Variants in CLNK observed in about 807,000 individuals in gnomAD.
CLNK encodes cytokine dependent hematopoietic cell linker, also known as cytokine-dependent hematopoietic cell linker.
Under a neutral mutation model 68.6 loss-of-function variants are expected in CLNK, and 74 were observed. The observed-to-expected ratio is 1.08, with a 90% CI of 0.89 to 1.31. The LOEUF (loss-of-function observed/expected upper bound fraction) is 1.31, where lower values mean the gene tolerates loss of function less well. Ranked by LOEUF, CLNK falls within the 50% of genes most tolerant of loss-of-function variation. The pLI, the probability that CLNK is intolerant of heterozygous loss-of-function variation, is 0.00. For missense variants in CLNK, 553 were observed against 515.3 expected, an observed-to-expected ratio of 1.07 and a Z score of -0.71; for synonymous variants, 198 against 172.2, an observed-to-expected ratio of 1.15 and a Z score of -1.17.
At chr4:10,590,598 C>A (rs1402347914) in intron 3 of CLNK, among the ~76,000 whole-genome samples, 1 of 152,170 alleles carries the variant, frequency 6.6e-6, no homozygotes, top group Admixed American at 6.5e-5. Context: ...TCTCTCAAAC[C>A]TCTGAAATTA....
intron 3 of CLNK, among the ~76,000 whole-genome samples, chr4:10,586,416 G>A (rs918440029): frequency 6.9e-6 from 1 of 144,468 alleles, no homozygotes; most frequent in Non-Finnish European, 1.5e-5. Context: ...CCAGGTTCAA[G>A]CAATTCTCCT....
chr4:10,705,047 C>T, the CLNK span, among the ~76,000 whole-genome samples: 2,279 of 152,150 alleles, frequency 0.015, 31 homozygotes, highest in East Asian at 0.055. Flanking sequence ...CAAAAAAGGT[C>T]ATAAGGGTAG....
At chr4:10,680,830 T>C (rs984269950) in intron 1 of CLNK, among the ~76,000 whole-genome samples, 8 of 152,178 alleles carry the variant, frequency 5.3e-5, no homozygotes, top group Non-Finnish European at 8.8e-5. Flanking sequence ...ACACTATCCA[T>C]GTCTCAACGA....
chr4:10,623,719 C>G (rs951937364), intron 2 of CLNK, among the ~76,000 whole-genome samples: 1 of 152,238 alleles, frequency 6.6e-6, no homozygotes, highest in Non-Finnish European at 1.5e-5. Context: ...GTGCCCTGAA[C>G]TGTAGGGACT....
At chr4:10,704,402 A>AT in the CLNK span, among the ~76,000 whole-genome samples, 1 of 152,152 alleles carries the variant, frequency 6.6e-6, no homozygotes, top group Admixed American at 6.5e-5. Flanking sequence ...CATTCTTGAT[A>AT]TTTTTTATAG....
chr4:10,688,996 A>G (rs1725364296), upstream of CLNK, among the ~76,000 whole-genome samples: 1 of 151,958 alleles, frequency 6.6e-6, no homozygotes, highest in South Asian at 2.1e-4. Flanking sequence ...GTGCAGAAAC[A>G]GATTTGATTC....
chr4:10,655,101 GAAAAAAAAAAAA>G (rs748148319), intron 2 of CLNK, among the ~76,000 whole-genome samples: 2 of 72,824 alleles, frequency 2.7e-5, no homozygotes, highest in African/African-American at 1.1e-4. Context: ...ACACCGACTC[GAAAAAAAAAAAA>G]AAAAAAAAGG....
chr4:10,695,888 C>T, the CLNK span, among the ~76,000 whole-genome samples: 1 of 149,600 alleles, frequency 6.7e-6, no homozygotes, highest in Middle Eastern at 3.2e-3. Flanking sequence ...CAGGGTCTTG[C>T]TCTGTTGCCC....
intron 3 of CLNK, among the ~76,000 whole-genome samples, chr4:10,590,913 T>G (rs1721157465): frequency 6.6e-6 from 1 of 152,138 alleles, no homozygotes; most frequent in Non-Finnish European, 1.5e-5. Context: ...AAAATATCAC[T>G]AGTGCCAAAA....
chr4:10,624,701 G>A (rs1206148787), intron 2 of CLNK, among the ~76,000 whole-genome samples: 15 of 148,168 alleles, frequency 1.0e-4, no homozygotes, highest in African/African-American at 3.7e-4. Flanking sequence ...ATGCCAAGAA[G>A]CATCATGAAA....
At chr4:10,594,976 C>T (rs1161101061) in intron 3 of CLNK, among the ~76,000 whole-genome samples, 1 of 152,150 alleles carries the variant, frequency 6.6e-6, no homozygotes, top group Non-Finnish European at 1.5e-5. Flanking sequence ...TGCCTGTAAT[C>T]CCAGCTACTG....
intron 4 of CLNK, among the ~76,000 whole-genome samples, chr4:10,577,586 C>T (rs998893162): frequency 6.6e-6 from 1 of 152,122 alleles, no homozygotes; most frequent in Non-Finnish European, 1.5e-5. Context: ...AGTTGTTACG[C>T]ACTTTTTATT....
At chr4:10,584,693 G>T (rs755549248) in intron 4 of CLNK, among the ~76,000 whole-genome samples, 5 of 152,162 alleles carry the variant, frequency 3.3e-5, no homozygotes, top group African/African-American at 9.7e-5. Context: ...ATGCAAAGCT[G>T]CACAGCTAAG....
At chr4:10,711,986 T>C in the CLNK span, among the ~76,000 whole-genome samples, 2 of 152,008 alleles carry the variant, frequency 1.3e-5, no homozygotes, top group Non-Finnish European at 2.9e-5. Context: ...AGACAATGGA[T>C]ATCGCGTTTC....
At chr4:10,636,971 A>G (rs1265557400) in intron 2 of CLNK, among the ~76,000 whole-genome samples, 1 of 152,126 alleles carries the variant, frequency 6.6e-6, no homozygotes, top group Non-Finnish European at 1.5e-5. Flanking sequence ...GACTCTGAGG[A>G]GAGAAACCCC....
intron 15 of CLNK, among the ~76,000 whole-genome samples, chr4:10,519,343 T>C (rs1717967044): frequency 6.6e-6 from 1 of 152,192 alleles, no homozygotes; most frequent in African/African-American, 2.4e-5. Flanking sequence ...CAAGTTAAGA[T>C]TCTGGATTTC....
chr4:10,504,251 G>T (rs1448943417), intron 17 of CLNK, among the ~76,000 whole-genome samples: 1 of 151,332 alleles, frequency 6.6e-6, no homozygotes, highest in Non-Finnish European at 1.5e-5. Flanking sequence ...CTCCTGAGTG[G>T]CTGGGACTAC....
At chr4:10,627,486 A>G (rs1024552663) in intron 2 of CLNK, among the ~76,000 whole-genome samples, 2 of 152,182 alleles carry the variant, frequency 1.3e-5, no homozygotes, top group Non-Finnish European at 2.9e-5. Flanking sequence ...ACTTAGTAAC[A>G]TAGAGTACTA....
intron 8 of CLNK, among the ~76,000 whole-genome samples, chr4:10,552,447 C>T (rs1560213186): frequency 1.3e-5 from 2 of 152,194 alleles, no homozygotes; most frequent in African/African-American, 4.8e-5. Context: ...CTGCAGATAA[C>T]ACCACTATTG....
Sources: allele counts gnomAD v4.1 joint callset (sites outside exome capture counted in the v4.1 genomes callset), GRCh38; gene constraint gnomAD v4.1.1; transcripts MANE v1.5; gene names NCBI Gene and HGNC (gene_info 2026-07-23, HGNC 2026-07-21).